PCSK5: variants seen among roughly 807,000 people sequenced by gnomAD.
PCSK5 encodes the protein proprotein convertase subtilisin/kexin type 5.
In PCSK5, 129 loss-of-function variants were observed where a neutral mutation model predicts 233.2. The observed-to-expected ratio is 0.55, with a 90% CI of 0.48 to 0.64. The LOEUF (loss-of-function observed/expected upper bound fraction) is 0.64. Ranked by LOEUF, PCSK5 falls within the 30% of genes least tolerant of loss-of-function variation. The pLI is 0.00. For missense variants in PCSK5, 2,076 were observed against 2,430.1 expected (o/e 0.85, Z 3.06); for synonymous variants, 825 against 879.2 (o/e 0.94, Z 1.09).
rs1473729621 is a variant in PCSK5, at chr9:76,361,023, T to G, written c.*2101T>G. ...AGAGATCATACATGTACATGTATGATATGCCTCCAAAAATTTTGATCATTT... is the reference window on the plus strand; with the variant it reads ...AGAGATCATACATGTACATGTATGAGATGCCTCCAAAAATTTTGATCATTT... On this transcript the variant is annotated 3_prime_UTR_variant, in exon 38 of 38. Coordinates refer to ENST00000674117, the MANE Select transcript of PCSK5 (RefSeq NM_001372043.1). 3.3e-5 allele frequency: 5 copies of G among 152,176 alleles called. No homozygotes were observed. The highest frequency in any genetic ancestry group is 3.3e-4 in the Admixed American group (5 of 15,270). The allele number at this position is 152,176 out of a possible 1,614,324, so 9.4% of individuals were successfully genotyped here.
At chr9:75,913,230 C>T (rs571622254) in intron 1 of PCSK5, among the ~76,000 whole-genome samples, 5 of 152,304 alleles carry the variant, frequency 3.3e-5, no homozygotes, top group South Asian at 2.1e-4. Context: ...AGTCCACTCT[C>T]GCTCCACTCT....
At position 75,950,146 on chromosome 9, in the gene PCSK5, G is replaced by GGT. The variant is rs1377231255; in HGVS notation, c.297+17664_297+17665insTG. Among the ~76,000 whole-genome samples, 213 of 128,968 alleles carry GGT rather than the reference G, an allele frequency of 1.7e-3. 8 individuals are homozygous for GGT. Among genetic ancestry groups the GGT allele is most frequent in the Non-Finnish European group, 3.2e-3 (189 of 59,828 alleles). The allele number at this position is 128,968 out of a possible 152,430, so 84.6% of individuals were successfully genotyped here. On this transcript the variant is annotated intron_variant, in intron 2 of 37. Coordinates refer to ENST00000674117, the MANE Select transcript of PCSK5 (RefSeq NM_001372043.1). ...TGGGACACACTTGTGTGTGTGTGTG[G>GGT]GGGGGGCGGGGAGGGGGGAACTGCT...
At chr9:75,986,372 C>A in intron 3 of PCSK5, 127 bp downstream of exon 3, 1 of 617,270 alleles carries the variant, frequency 1.6e-6, no homozygotes, top group Non-Finnish European at 2.9e-6. Context: ...TTAATACCCA[C>A]CATTTGAGAT....
chr9:76,141,240 G>A (rs1823208813), intron 10 of PCSK5, among the ~76,000 whole-genome samples: 1 of 151,968 alleles, frequency 6.6e-6, no homozygotes, highest in Admixed American at 6.6e-5. Context: ...TAAGTCAAGA[G>A]AGTCTTAGCA....
At chr9:76,116,033 A>G (rs1287523264) in intron 9 of PCSK5, among the ~76,000 whole-genome samples, 1 of 152,144 alleles carries the variant, frequency 6.6e-6, no homozygotes, top group African/African-American at 2.4e-5. Flanking sequence ...ATTAACTGAT[A>G]CCAACATTCT....
At chr9:75,974,664 A>G (rs1803022451) in intron 2 of PCSK5, among the ~76,000 whole-genome samples, 1 of 152,140 alleles carries the variant, frequency 6.6e-6, no homozygotes. Flanking sequence ...AAAAAGGAAA[A>G]TATAATGAAA....
At chr9:76,150,763 A>ATC (rs1009650850) in intron 10 of PCSK5, among the ~76,000 whole-genome samples, 4 of 152,190 alleles carry the variant, frequency 2.6e-5, no homozygotes, top group Non-Finnish European at 5.9e-5. Context: ...ATAGTTCTGA[A>ATC]TCTCTCTCTA....
chr9:75,948,162 A>G (rs1341655583), intron 2 of PCSK5, among the ~76,000 whole-genome samples: 1 of 151,976 alleles, frequency 6.6e-6, no homozygotes, highest in Admixed American at 6.6e-5. Context: ...ACAGATAAAT[A>G]TATATATTTT....
At chr9:76,218,481 A>T (rs770719382) in intron 20 of PCSK5, among the ~76,000 whole-genome samples, 3 of 152,126 alleles carry the variant, frequency 2.0e-5, no homozygotes, top group Non-Finnish European at 2.9e-5. Flanking sequence ...TTCACACAGG[A>T]TTAACATTCT....
At position 76,310,757 on chromosome 9, in the gene PCSK5, A is replaced by G; in HGVS notation, c.3790A>G (p.Ile1264Val). Residue 1264 changes from isoleucine to valine, a missense_variant, in exon 30 of 38, where the codon ATC becomes GTC. Ile to Val is a conservative substitution (Grantham distance 29). This residue lies in a region of PCSK5 where 1,510 missense variants were observed against 1,538.1 expected (regional missense o/e 0.98). Coordinates refer to ENST00000674117, the MANE Select transcript of PCSK5 (RefSeq NM_001372043.1). Reference protein sequence around the residue: ...SCENCTEACAICSGADLCKKC... With the variant: ...SCENCTEACAVCSGADLCKKC... Reference sequence around the variant, plus strand: ...CGAGAACTGTACGGAGGCCTGTGCCATCTGCTCTGGAGCCGATCTTTGCAA... The same window carrying G: ...CGAGAACTGTACGGAGGCCTGTGCCGTCTGCTCTGGAGCCGATCTTTGCAA... The G allele has an allele frequency of 6.2e-7, 1 of 1,612,544 alleles. No individual in the cohort carries two copies. Among genetic ancestry groups the G allele is most frequent in the Non-Finnish European group, 8.5e-7 (1 of 1,179,740 alleles).
intron 20 of PCSK5, among the ~76,000 whole-genome samples, chr9:76,213,693 A>G (rs1825412800): frequency 6.6e-6 from 1 of 152,072 alleles, no homozygotes; most frequent in African/African-American, 2.4e-5. Context: ...GACCAGCTGT[A>G]CCCACTTGAT....
chr9:75,986,397 T>C (rs1826517799), intron 3 of PCSK5, 152 bp downstream of exon 3: 1 of 541,270 alleles, frequency 1.8e-6, no homozygotes, highest in South Asian at 2.8e-5. Context: ...TAATGGCCTA[T>C]GATGCTGTCT....
chr9:76,105,097 T>C (rs569254002), intron 8 of PCSK5, among the ~76,000 whole-genome samples: 53 of 152,354 alleles, frequency 3.5e-4, no homozygotes, highest in Admixed American at 7.2e-4. Context: ...CCCATGTGCA[T>C]GTTCAGCCTT....
chr9:76,169,684 A>G lies in PCSK5; in HGVS notation c.1620-20A>G, dbSNP rs1194243051. 6 of 1,611,572 alleles carry G rather than the reference A, an allele frequency of 3.7e-6. No homozygotes were observed. Among genetic ancestry groups the G allele is most frequent in the Non-Finnish European group, 4.2e-6 (5 of 1,178,350 alleles). On this transcript the variant is annotated intron_variant, in intron 12 of 37. Coordinates refer to ENST00000674117, the MANE Select transcript of PCSK5 (RefSeq NM_001372043.1). ...TTGGATTTGAAATATCGCACATAAC[A>G]ATGTTTTGTTCACTTTCAGGCTATT... is the stretch of plus-strand genomic sequence containing the variant.
At chr9:76,009,086 T>A (rs1827606197) in intron 3 of PCSK5, among the ~76,000 whole-genome samples, 1 of 152,188 alleles carries the variant, frequency 6.6e-6, no homozygotes, top group South Asian at 2.1e-4. Flanking sequence ...TTTGTTACTA[T>A]TTTTCATAGT....
At chr9:75,926,002 A>G (rs1427427335) in intron 1 of PCSK5, among the ~76,000 whole-genome samples, 1 of 152,178 alleles carries the variant, frequency 6.6e-6, no homozygotes, top group African/African-American at 2.4e-5. Flanking sequence ...GTTCGTCAAC[A>G]AGAACAATGG....
intron 22 of PCSK5, among the ~76,000 whole-genome samples, chr9:76,234,392 G>A (rs1377362576): frequency 6.6e-6 from 1 of 152,080 alleles, no homozygotes; most frequent in African/African-American, 2.4e-5. Context: ...ACCATTCCCA[G>A]TTGTCTCACT....
chr9:75,976,748 AT>A (rs982940363), intron 2 of PCSK5, among the ~76,000 whole-genome samples: 15 of 151,588 alleles, frequency 9.9e-5, no homozygotes, highest in African/African-American at 3.4e-4. Context: ...TAATGTTAAT[AT>A]TTTTATTAAA....
chr9:76,342,002 A>G (rs1051012834), intron 35 of PCSK5, among the ~76,000 whole-genome samples: 13 of 152,188 alleles, frequency 8.5e-5, no homozygotes, highest in Admixed American at 7.2e-4. Context: ...ACCATTGCCT[A>G]CTTCTAGTCC....
Sources: allele counts gnomAD v4.1 joint callset (sites outside exome capture counted in the v4.1 genomes callset), GRCh38; gene constraint gnomAD v4.1.1; regional missense constraint gnomAD v4.1.1; transcripts MANE v1.5; gene names NCBI Gene and HGNC (gene_info 2026-07-23, HGNC 2026-07-21).